The following DIPK1B variants were observed in gnomAD, a reference collection of about 807,000 sequenced individuals.
The protein encoded by DIPK1B is family with sequence similarity 69 member B.
In DIPK1B, 17 loss-of-function variants were observed where a neutral mutation model predicts 20.7. That is an observed-to-expected ratio of 0.82 (90% CI 0.56 to 1.23). The LOEUF (loss-of-function observed/expected upper bound fraction) is 1.23, where lower values mean the gene tolerates loss of function less well. Among genes scored for constraint, DIPK1B ranks in the 50% most tolerant of loss-of-function variants. DIPK1B has a pLI of 0.00. For synonymous variants in DIPK1B, 343 were observed against 276.5 expected (o/e 1.24, Z -2.39); for missense variants, 648 against 601.8 (o/e 1.08, Z -0.80).
At chr9:136,718,335 G>A (rs1380093717) in intron 2 of DIPK1B, among the ~76,000 whole-genome samples, 1 of 152,116 alleles carries the variant, frequency 6.6e-6, no homozygotes, top group Admixed American at 6.5e-5. Flanking sequence ...CTGGGACCAG[G>A]GGTCCCCTGA....
Position 136,722,153 on chromosome 9 carries a change from A to ATGT in DIPK1B, c.336_338dup (p.Val113dup), listed in dbSNP as rs1488965196. ...TACAGCGGGCTCTGGCGGGACAAGG[A>ATGT]TGTAACCATCAAGTGTGGCATTGAG... On this transcript the variant is annotated inframe_insertion, in exon 4 of 5. Coordinates refer to ENST00000371692, the MANE Select transcript of DIPK1B (RefSeq NM_152421.4). The ATGT allele has an allele frequency of 6.2e-7, 1 of 1,613,850 alleles. No individual in the cohort carries two copies. Among genetic ancestry groups the ATGT allele is most frequent in the Non-Finnish European group, 8.5e-7 (1 of 1,179,948 alleles).
chr9:136,723,376 C>T lies in DIPK1B; in HGVS notation c.898C>T (p.Leu300=), dbSNP rs1008360279. 6.2e-7 allele frequency: 1 copy of T among 1,613,252 alleles called. No individual in the cohort carries two copies. Among genetic ancestry groups the T allele is most frequent in the African/African-American group, 1.3e-5 (1 of 74,934 alleles). Residue 300 remains leucine, a synonymous_variant, in exon 5 of 5, where the codon CTG becomes TTG. Coordinates refer to ENST00000371692, the MANE Select transcript of DIPK1B (RefSeq NM_152421.4). Reference sequence around the variant, plus strand: ...GACTTTCTACATGTGTGAGACCACACTGGCCAACGTGGGCTACACAGCCAC... The same window carrying T: ...GACTTTCTACATGTGTGAGACCACATTGGCCAACGTGGGCTACACAGCCAC... The part of the protein sequence containing the change: ...YGTFYMCETT[L]ANVGYTATYD...
chr9:136,719,223 G>A (rs1166286483), intron 2 of DIPK1B, among the ~76,000 whole-genome samples: 3 of 152,260 alleles, frequency 2.0e-5, no homozygotes, highest in Non-Finnish European at 4.4e-5. Flanking sequence ...GTGCCGGGCC[G>A]CAAAGCAGGA....
Position 136,723,098 on chromosome 9 carries a change from T to TG in DIPK1B, c.621dup (p.Leu208AlafsTer90). On this transcript the variant is annotated frameshift_variant, in exon 5 of 5. Transcript: ENST00000371692. LOFTEE classifies it low-confidence loss of function (END_TRUNC). ...GCCCTGCTGCAGCGTAACGAGTTCCTGCTGCTGCTGTCCCTGCAGGAGAAG... is the reference window on the plus strand; with the variant it reads ...GCCCTGCTGCAGCGTAACGAGTTCCTGGCTGCTGCTGTCCCTGCAGGAGAAG... 1.2e-6 allele frequency: 2 copies of TG among 1,613,542 alleles called. No individual in the cohort carries two copies. Among genetic ancestry groups the TG allele is most frequent in the Non-Finnish European group, 1.7e-6 (2 of 1,180,014 alleles).
intron 1 of DIPK1B, among the ~76,000 whole-genome samples, chr9:136,716,639 A>C (rs1846500522): frequency 6.6e-6 from 1 of 151,782 alleles, no homozygotes; most frequent in African/African-American, 2.4e-5. Flanking sequence ...GGGCTCAAGC[A>C]ATCTGCCCGC....
chr9:136,723,586 T>C lies in DIPK1B; in HGVS notation c.1108T>C (p.Cys370Arg), dbSNP rs749985825. The C allele has an allele frequency of 1.3e-6, 2 of 1,595,876 alleles. No homozygotes were observed. Among genetic ancestry groups the C allele is most frequent in the South Asian group, 1.1e-5 (1 of 88,696 alleles). ...DLIQPNLAKV[C>R]ALLRGYLLPG... ...CATCCAGCCCAACCTGGCCAAGGTGTGCGCACTGCTACGGGGCTACCTGCT... is the reference window on the plus strand; with the variant it reads ...CATCCAGCCCAACCTGGCCAAGGTGCGCGCACTGCTACGGGGCTACCTGCT... The change falls in exon 5 of 5, where the codon TGC becomes CGC. Residue 370 changes from cysteine to arginine, a missense_variant. By Grantham distance (180) the Cys-to-Arg change is radical. Coordinates refer to ENST00000371692, the MANE Select transcript of DIPK1B (RefSeq NM_152421.4).
rs191515406 is a variant in DIPK1B, at chr9:136,720,535, G to A, written c.199-1386G>A. Among the ~76,000 whole-genome samples the A allele has an allele frequency of 6.6e-5, 10 of 152,296 alleles. No homozygotes were observed. In the South Asian group the frequency reaches 1.9e-3, roughly 28 times the overall value. On this transcript the variant is annotated intron_variant, in intron 2 of 4. Transcript: ENST00000371692. ...ACCTCCCGTGGGGCGCTGGGATTGA[G>A]GGGCTGCCAGGCCCCTGGAGCTAGG... is the stretch of plus-strand genomic sequence containing the variant.
At chr9:136,715,109 G>A (rs1846478479) in intron 1 of DIPK1B, among the ~76,000 whole-genome samples, 1 of 152,220 alleles carries the variant, frequency 6.6e-6, no homozygotes, top group South Asian at 2.1e-4. Flanking sequence ...GCCTCTCCCT[G>A]GCCGCAGGTG....
rs758455692 is a variant in DIPK1B, at chr9:136,723,640, G to A, written c.1162G>A (p.Glu388Lys). 4.5e-6 allele frequency: 7 copies of A among 1,570,350 alleles called. No homozygotes were observed. Among genetic ancestry groups the A allele is most frequent in the Non-Finnish European group, 6.0e-6 (7 of 1,160,278 alleles). Reference protein sequence around the residue: ...LPGAPADLREELGTQLRTCTT... With the variant: ...LPGAPADLREKLGTQLRTCTT... ...TGGCGCGCCCGCCGACCTCCGCGAG[G>A]AGCTGGGCACACAGCTGCGCACCTG... The change falls in exon 5 of 5, where the codon GAG (glutamate) becomes AAG (lysine). Residue 388 changes from glutamate to lysine, a missense_variant. Glu to Lys is a moderately conservative substitution (Grantham distance 56, BLOSUM62 1). Transcript: ENST00000371692.
intron 2 of DIPK1B, chr9:136,721,157 C>T (rs1246184290): frequency 6.6e-6 from 1 of 152,304 alleles, no homozygotes; most frequent in African/African-American, 2.4e-5. Flanking sequence ...TGCCCTGTGT[C>T]CAGGGGGTTG....
chr9:136,722,847 A>T, intron 4 of DIPK1B, 115 bp from the exon 5 acceptor site: 1 of 1,061,208 alleles, frequency 9.4e-7, no homozygotes, highest in East Asian at 2.6e-5. Flanking sequence ...CTAACCTGGC[A>T]GATGTGCTGG....
intron 2 of DIPK1B, 132 bp downstream of exon 2, chr9:136,717,843 T>C: frequency 1.4e-6 from 2 of 1,387,234 alleles, no homozygotes; most frequent in South Asian, 2.6e-5. Flanking sequence ...CTAGGTGGAA[T>C]CTGCAAAGCT....
At position 136,717,635 on chromosome 9, in the gene DIPK1B, C is replaced by T. The variant is rs553768110; in HGVS notation, c.122C>T (p.Ala41Val). The change falls in exon 2 of 5, where the codon GCA (alanine) becomes GTA (valine). Residue 41 changes from alanine to valine, a missense_variant. Transcript: ENST00000371692. ...TTCCTGGCCTGGCTGGGCGTCTTTG[C>T]AGGCAGCTGGCTGGTGTACGTGCAC... The part of the protein sequence containing the change: ...CIFLAWLGVF[A>V]GSWLVYVHYS... The T allele has an allele frequency of 1.7e-5, 27 of 1,606,770 alleles. 1 individual carries two copies. The Middle Eastern group carries it at 6.6e-4, about 39-fold the overall frequency.
At chr9:136,713,753 G>T (rs766584595) in intron 1 of DIPK1B, among the ~76,000 whole-genome samples, 6 of 152,258 alleles carry the variant, frequency 3.9e-5, no homozygotes, top group African/African-American at 1.4e-4. Flanking sequence ...CAGCAGAGGG[G>T]TGTTGGCTGC....
In DIPK1B at chr9:136,722,815, G is replaced by A. The variant is rs989881007; in HGVS notation, c.484-147G>A. On this transcript the variant is annotated intron_variant, in intron 4 of 4. Coordinates refer to ENST00000371692, the MANE Select transcript of DIPK1B (RefSeq NM_152421.4). ...ACATTGCTGGCTGCGTCCTCCACCC[G>A]TGTAGCTGTGGGCTGGGACCCCTAA... 226 of 770,208 alleles carry A rather than the reference G, an allele frequency of 2.9e-4. 1 individual carries two copies. In the South Asian group the frequency reaches 3.7e-3, roughly 13 times the overall value. 47.7% of individuals were successfully genotyped at this position (770,208 alleles called of 1,614,324 possible).
Position 136,717,567 on chromosome 9 carries a change from T to A in DIPK1B, c.64-10T>A. ...GAGGGCACCTCCTCACGCAGCCCCT[T>A]CCCCCACAGGGCCGGCTCCCAGGCC... On this transcript the variant is annotated splice_polypyrimidine_tract_variant and intron_variant, in intron 1 of 4. Transcript: ENST00000371692. 1 of 1,597,260 alleles carries A rather than the reference T, an allele frequency of 6.3e-7. No homozygotes were observed. The highest frequency in any genetic ancestry group is 8.5e-7 in the Non-Finnish European group (1 of 1,178,978).
At chr9:136,719,776 C>T (rs1846564635) in intron 2 of DIPK1B, among the ~76,000 whole-genome samples, 1 of 152,240 alleles carries the variant, frequency 6.6e-6, no homozygotes, top group Non-Finnish European at 1.5e-5. Context: ...TGGCAGACAG[C>T]AGTGTGGCCC....
chr9:136,718,190 C>G (rs13296022), intron 2 of DIPK1B, among the ~76,000 whole-genome samples: 3 of 30,436 alleles, frequency 9.9e-5, no homozygotes, highest in South Asian at 8.5e-4. Context: ...CCACCGTGTG[C>G]TGGCCTCACT....
Position 136,723,065 on chromosome 9 carries a change from C to A in DIPK1B, c.587C>A (p.Ser196Tyr). ...CGGGTGTCCCTGGCGGAAGCCAAGT[C>A]CGTGTGGGCCCTGCTGCAGCGTAAC... is the stretch of plus-strand genomic sequence containing the variant. ...DNRVSLAEAK[S>Y]VWALLQRNEF... Residue 196 changes from serine to tyrosine, a missense_variant, in exon 5 of 5, where the codon TCC becomes TAC. Coordinates refer to ENST00000371692, the MANE Select transcript of DIPK1B (RefSeq NM_152421.4). 1 of 1,613,578 alleles carries A rather than the reference C, an allele frequency of 6.2e-7. No individual in the cohort carries two copies.
Sources: allele counts gnomAD v4.1 joint callset (sites outside exome capture counted in the v4.1 genomes callset), GRCh38; gene constraint gnomAD v4.1.1; transcripts MANE v1.5; gene names NCBI Gene and HGNC (gene_info 2026-07-23, HGNC 2026-07-21).